Variants in SIPA1L3 observed in about 807,000 individuals in gnomAD.
The protein encoded by SIPA1L3 is signal-induced proliferation-associated 1-like protein 3.
Under a neutral mutation model 150.1 loss-of-function variants are expected in SIPA1L3, and 59 were observed. The observed-to-expected ratio is 0.39, with a 90% confidence interval of 0.32 to 0.49. SIPA1L3 has a LOEUF of 0.49. Among genes scored for constraint, SIPA1L3 ranks in the 20% least tolerant of loss-of-function variants. The probability of loss-of-function intolerance (pLI) is 0.86; values close to 1 mark genes in which losing one functional copy is unlikely to be tolerated. For synonymous variants in SIPA1L3, 1,070 were observed against 1,077.6 expected (o/e 0.99, Z 0.14); for missense variants, 2,211 against 2,489.5 (o/e 0.89, Z 2.38).
intron 2 of SIPA1L3, among the ~76,000 whole-genome samples, chr19:38,063,355 C>T (rs1217428313): frequency 6.6e-6 from 1 of 152,182 alleles, no homozygotes; most frequent in South Asian, 2.1e-4. Flanking sequence ...CCACTGCCGC[C>T]CCCCATCCCC....
Position 38,106,634 on chromosome 19 carries a change from G to C in SIPA1L3, c.2127G>C (p.Arg709Ser), listed in dbSNP as rs765392544. The C allele has an allele frequency of 6.2e-6, 10 of 1,610,202 alleles. No individual in the cohort carries two copies. The South Asian group carries it at 1.1e-4, about 18-fold the overall frequency. The change falls in exon 7 of 22, where the codon AGG becomes AGC. Residue 709 changes from arginine to serine, a missense_variant. Coordinates refer to ENST00000222345, the MANE Select transcript of SIPA1L3 (RefSeq NM_015073.3). ...STLLPYTPNN[R>S]QQLLRKRHIG... The stretch of plus-strand genomic sequence containing the variant: ...TGCTCCCTTACACCCCCAACAACAG[G>C]CAGCAGGTCAGTGATTTTCAGCAGA...
chr19:38,021,011 G>C (rs574159868), intron 1 of SIPA1L3, among the ~76,000 whole-genome samples: 3 of 152,150 alleles, frequency 2.0e-5, no homozygotes. Flanking sequence ...ATGTTGGCCA[G>C]GCTGGTCTCA....
intron 1 of SIPA1L3, among the ~76,000 whole-genome samples, chr19:38,006,373 G>C (rs1295567361): frequency 6.6e-6 from 1 of 152,096 alleles, no homozygotes; most frequent in African/African-American, 2.4e-5. Context: ...GCAGGGTGTG[G>C]GGCATCACGC....
intron 1 of SIPA1L3, among the ~76,000 whole-genome samples, chr19:37,997,004 A>G (rs1006957379): frequency 1.3e-5 from 2 of 151,830 alleles, no homozygotes; most frequent in African/African-American, 4.8e-5. Context: ...GCCAATCCTC[A>G]GTGTTTTTAT....
chr19:37,917,504 G>GT (rs1209407702), intron 1 of SIPA1L3, among the ~76,000 whole-genome samples: 3 of 152,204 alleles, frequency 2.0e-5, no homozygotes, highest in Non-Finnish European at 4.4e-5. Context: ...AGGGACTACA[G>GT]TTATTCCCAT....
chr19:38,095,075 C>T (rs1054219424), intron 4 of SIPA1L3, among the ~76,000 whole-genome samples: 2 of 151,986 alleles, frequency 1.3e-5, no homozygotes, highest in African/African-American at 4.8e-5. Flanking sequence ...AACTCTGTCT[C>T]CAAAAACAAA....
intron 1 of SIPA1L3, among the ~76,000 whole-genome samples, chr19:38,024,350 C>A (rs926299172): frequency 2.6e-5 from 4 of 152,176 alleles, no homozygotes; most frequent in African/African-American, 7.2e-5. Flanking sequence ...TCTTGTGGAA[C>A]TTTTGACAGA....
chr19:38,187,358 A>T (rs1972705902), intron 16 of SIPA1L3, among the ~76,000 whole-genome samples: 1 of 152,044 alleles, frequency 6.6e-6, no homozygotes, highest in Non-Finnish European at 1.5e-5. Context: ...AGGCTGAGGC[A>T]GGAGAATCGC....
At chr19:38,152,441 C>G (rs1048293002) in intron 12 of SIPA1L3, among the ~76,000 whole-genome samples, 1 of 152,196 alleles carries the variant, frequency 6.6e-6, no homozygotes, top group African/African-American at 2.4e-5. Context: ...AACCTGCTGT[C>G]TCCATCAGAG....
Position 38,141,496 on chromosome 19 carries a change from G to T in SIPA1L3, c.3395+61G>T. On this transcript the variant is annotated intron_variant, in intron 11 of 21. Transcript: ENST00000222345. ...CCCCACCAGCCCACACCCATCCTCC[G>T]CCCCTCCCTCTCCTCACTATTTCCT... 3.3e-6 allele frequency: 5 copies of T among 1,516,916 alleles called. No individual in the cohort carries two copies. The South Asian group carries it at 3.6e-5, about 11-fold the overall frequency. 94.0% of individuals were successfully genotyped at this position (1,516,916 alleles called of 1,614,324 possible). A position where few individuals can be genotyped will look rare whatever the true frequency, so the allele number is the denominator to read the frequency against.
chr19:38,171,856 A>T (rs1972335590), intron 15 of SIPA1L3, among the ~76,000 whole-genome samples: 1 of 151,992 alleles, frequency 6.6e-6, no homozygotes, highest in Non-Finnish European at 1.5e-5. Context: ...CACCCTGTTG[A>T]TCAATCAATC....
chr19:38,029,934 A>G (rs1326519469), intron 2 of SIPA1L3, among the ~76,000 whole-genome samples: 1 of 150,130 alleles, frequency 6.7e-6, no homozygotes, highest in Non-Finnish European at 1.5e-5. Context: ...AGCTCACTGC[A>G]ACCTCCACCT....
intron 11 of SIPA1L3, 27 bp downstream of exon 11, chr19:38,141,462 C>T (rs1389718910): frequency 1.3e-6 from 2 of 1,593,550 alleles, no homozygotes; most frequent in Admixed American, 3.4e-5. Context: ...GGGACCAATA[C>T]TTCCCAACCC....
intron 17 of SIPA1L3, among the ~76,000 whole-genome samples, chr19:38,192,741 C>T (rs576458166): frequency 3.3e-5 from 5 of 152,286 alleles, no homozygotes; most frequent in African/African-American, 4.8e-5. Flanking sequence ...CCACAGCATC[C>T]ACTTCCCTTC....
At chr19:38,147,417 A>G (rs1405242405) in intron 12 of SIPA1L3, among the ~76,000 whole-genome samples, 1 of 152,048 alleles carries the variant, frequency 6.6e-6, no homozygotes. Flanking sequence ...TTATTATTTT[A>G]TGGATCAGGT....
At chr19:38,194,234 T>C (rs1972871211) in intron 18 of SIPA1L3, among the ~76,000 whole-genome samples, 1 of 152,034 alleles carries the variant, frequency 6.6e-6, no homozygotes, top group African/African-American at 2.4e-5. Context: ...GTTCACTGCT[T>C]AATCACCCAG....
intron 6 of SIPA1L3, among the ~76,000 whole-genome samples, chr19:38,101,777 ACT>A (rs1299745318): frequency 6.6e-6 from 1 of 152,088 alleles, no homozygotes; most frequent in Non-Finnish European, 1.5e-5. Flanking sequence ...CTGCTCTGTG[ACT>A]CAGCTCCTGC....
chr19:38,060,706 T>G (rs1020814205), intron 2 of SIPA1L3, among the ~76,000 whole-genome samples: 5 of 152,230 alleles, frequency 3.3e-5, no homozygotes, highest in Non-Finnish European at 5.9e-5. Flanking sequence ...TAACTTTTTT[T>G]TTGAGACAGA....
chr19:38,178,580 A>G (rs560102826), intron 15 of SIPA1L3, among the ~76,000 whole-genome samples: 25 of 152,198 alleles, frequency 1.6e-4, no homozygotes, highest in African/African-American at 4.8e-5. Flanking sequence ...GATTCATGCC[A>G]TTCTCCTGCT....
Sources: gnomAD v4.1 joint callset for allele counts (sites outside exome capture counted in the v4.1 genomes callset) on GRCh38, gnomAD v4.1.1 for gene constraint, MANE v1.5 for transcripts, NCBI Gene and HGNC (gene_info 2026-07-23, HGNC 2026-07-21) for gene names.